Variants in DIAPH3 observed in about 807,000 individuals in gnomAD.
The protein encoded by DIAPH3 is diaphanous related formin 3, also known as protein diaphanous homolog 3.
DIAPH3 carries 117 observed loss-of-function variants against 144.3 expected under a neutral mutation model. The ratio of observed to expected loss-of-function variants is 0.81; its 90% CI spans 0.70 to 0.95. The LOEUF is 0.95. Ranked by LOEUF, DIAPH3 falls within the 40% of genes least tolerant of loss-of-function variation. The pLI, the probability that DIAPH3 is intolerant of heterozygous loss-of-function variation, is 0.00. For missense variants in DIAPH3, 1,421 were observed against 1,412.7 expected (o/e 1.01, Z -0.09); for synonymous variants, 519 against 488.9 (o/e 1.06, Z -0.81).
At chr13:60,044,403 A>G (rs2055913492) in intron 4 of DIAPH3, 1 of 152,240 alleles carries the variant, frequency 6.6e-6, no homozygotes, top group African/African-American at 2.4e-5. Flanking sequence ...GTAATTTAAT[A>G]AAGAAGAATT....
intron 27 of DIAPH3, among the ~76,000 whole-genome samples, chr13:59,690,786 C>T (rs2033473544): frequency 1.3e-5 from 2 of 152,148 alleles, no homozygotes; most frequent in African/African-American, 4.8e-5. Context: ...TAATGGATTG[C>T]CTACTATGCA....
chr13:60,085,591 A>G (rs970761992), intron 4 of DIAPH3, among the ~76,000 whole-genome samples: 1 of 152,134 alleles, frequency 6.6e-6, no homozygotes, highest in African/African-American at 2.4e-5. Flanking sequence ...AGATCATTCT[A>G]CTGGATATCA....
chr13:60,143,211 G>C (rs1387114497), intron 1 of DIAPH3, among the ~76,000 whole-genome samples: 2 of 152,102 alleles, frequency 1.3e-5, no homozygotes, highest in Non-Finnish European at 2.9e-5. Context: ...ATTCAGGAAG[G>C]TTCTCTAAGC....
Position 59,839,590 on chromosome 13 carries a change from T to G in DIAPH3, c.2738-142A>C, listed in dbSNP as rs188932722. 1,769 of 824,540 alleles carry G rather than the reference T, an allele frequency of 2.1e-3. 8 individuals are homozygous for G. Among genetic ancestry groups the G allele is most frequent in the Non-Finnish European group, 2.9e-3 (1,658 of 581,294 alleles). 51.1% of individuals were successfully genotyped at this position (824,540 alleles called of 1,614,324 possible). On this transcript the variant is annotated intron_variant, in intron 22 of 27. Transcript: ENST00000400324. ...TATAAAATAAAAATAAATTTCACTT[T>G]TAACCTTTCAATTTAAAATCTAGTT...
chr13:59,673,757 G>A (rs888006697), intron 27 of DIAPH3, among the ~76,000 whole-genome samples: 3 of 152,126 alleles, frequency 2.0e-5, no homozygotes, highest in African/African-American at 7.2e-5. Context: ...TAACAAAGCC[G>A]CAGTGCAAAC....
At chr13:59,906,264 T>G (rs2046733474) in intron 20 of DIAPH3, among the ~76,000 whole-genome samples, 1 of 152,080 alleles carries the variant, frequency 6.6e-6, no homozygotes, top group Non-Finnish European at 1.5e-5. Flanking sequence ...TTAAAAACAG[T>G]ACAACATGAA....
intron 24 of DIAPH3, among the ~76,000 whole-genome samples, chr13:59,823,754 G>T (rs1179990901): frequency 6.6e-6 from 1 of 152,104 alleles, no homozygotes; most frequent in Non-Finnish European, 1.5e-5. Flanking sequence ...AGTTGACAAG[G>T]ATCAAATTTG....
At chr13:60,009,973 T>C (rs1300515313) in intron 8 of DIAPH3, among the ~76,000 whole-genome samples, 1 of 152,226 alleles carries the variant, frequency 6.6e-6, no homozygotes, top group African/African-American at 2.4e-5. Context: ...TTATCTTTAA[T>C]ATGTATGTAA....
chr13:59,965,457 C>T (rs2049994080), intron 17 of DIAPH3, among the ~76,000 whole-genome samples: 3 of 151,408 alleles, frequency 2.0e-5, no homozygotes, highest in Admixed American at 2.0e-4. Context: ...CTTGACAAAT[C>T]CAACACCAAT....
chr13:59,746,524 C>T (rs1225500920), intron 27 of DIAPH3, among the ~76,000 whole-genome samples: 1 of 152,028 alleles, frequency 6.6e-6, no homozygotes, highest in African/African-American at 2.4e-5. Flanking sequence ...GCAACCAGCA[C>T]CAGCTGGGTT....
intron 20 of DIAPH3, among the ~76,000 whole-genome samples, chr13:59,903,564 C>A (rs1358662129): frequency 6.6e-6 from 1 of 150,628 alleles, no homozygotes; most frequent in Non-Finnish European, 1.5e-5. Flanking sequence ...ACTAGACAAA[C>A]CTAGAAGTTA....
At chr13:59,858,333 A>G (rs1380471719) in intron 22 of DIAPH3, among the ~76,000 whole-genome samples, 1 of 152,156 alleles carries the variant, frequency 6.6e-6, no homozygotes, top group Non-Finnish European at 1.5e-5. Flanking sequence ...AGTGAGACAG[A>G]TTGGGTTTCA....
intron 25 of DIAPH3, among the ~76,000 whole-genome samples, chr13:59,786,585 T>C (rs2039040707): frequency 6.6e-6 from 1 of 152,164 alleles, no homozygotes; most frequent in Admixed American, 6.5e-5. Context: ...TTTTGGAATA[T>C]AAACATATTA....
At chr13:60,131,565 A>C (rs1335170255) in intron 2 of DIAPH3, among the ~76,000 whole-genome samples, 1 of 152,034 alleles carries the variant, frequency 6.6e-6, no homozygotes, top group Non-Finnish European at 1.5e-5. Flanking sequence ...GAGTCAATTT[A>C]TATGAAATGT....
At chr13:60,154,191 T>A (rs1436915753) in intron 1 of DIAPH3, among the ~76,000 whole-genome samples, 1 of 152,198 alleles carries the variant, frequency 6.6e-6, no homozygotes, top group Non-Finnish European at 1.5e-5. Flanking sequence ...AAAATTGTAC[T>A]ATTATTACTG....
intron 1 of DIAPH3, among the ~76,000 whole-genome samples, chr13:60,140,490 A>C (rs1221809445): frequency 1.3e-5 from 2 of 152,206 alleles, no homozygotes; most frequent in African/African-American, 2.4e-5. Flanking sequence ...CTATAATGAC[A>C]TGGAAAAATG....
chr13:59,887,740 T>A (rs1211521448), intron 20 of DIAPH3, among the ~76,000 whole-genome samples: 1 of 152,126 alleles, frequency 6.6e-6, no homozygotes, highest in African/African-American at 2.4e-5. Flanking sequence ...AGTATCTTGA[T>A]TTTCTAAGAA....
intron 21 of DIAPH3, among the ~76,000 whole-genome samples, chr13:59,871,867 T>G (rs115130529): frequency 0.013 from 2,013 of 152,304 alleles, 41 homozygotes; most frequent in African/African-American, 0.046. Flanking sequence ...TTATCACATT[T>G]GTAGGCTTGG....
chr13:60,143,540 A>G (rs1159001980), intron 1 of DIAPH3, among the ~76,000 whole-genome samples: 2 of 152,172 alleles, frequency 1.3e-5, no homozygotes. Context: ...CTTCCTTCAC[A>G]GTAAGATCCA....
Sources: allele counts gnomAD v4.1 joint callset (sites outside exome capture counted in the v4.1 genomes callset), GRCh38; gene constraint gnomAD v4.1.1; transcripts MANE v1.5; gene names NCBI Gene and HGNC (gene_info 2026-07-23, HGNC 2026-07-21).